Variants in TAFA1 observed in about 807,000 individuals in gnomAD.
The protein encoded by TAFA1 is TAFA chemokine like family member 1.
Under a neutral mutation model 18.5 loss-of-function variants are expected in TAFA1, and 4 were observed. The observed-to-expected ratio is 0.22, with a 90% CI of 0.11 to 0.49. The LOEUF (loss-of-function observed/expected upper bound fraction) is 0.49, where lower values mean the gene tolerates loss of function less well. Among genes scored for constraint, TAFA1 ranks in the 20% least tolerant of loss-of-function variants. The pLI is 0.98. For synonymous variants in TAFA1, 56 were observed against 55.2 expected (o/e 1.01, Z -0.06); for missense variants, 147 against 169.0 (o/e 0.87, Z 0.72).
chr3:68,033,164 C>T (rs1704973728), intron 2 of TAFA1, among the ~76,000 whole-genome samples: 1 of 152,152 alleles, frequency 6.6e-6, no homozygotes, highest in Non-Finnish European at 1.5e-5. Flanking sequence ...TGGTAATTTT[C>T]CACGTTTTTC....
chr3:68,181,421 G>A (rs945193008), intron 2 of TAFA1, among the ~76,000 whole-genome samples: 20 of 151,828 alleles, frequency 1.3e-4, no homozygotes, highest in Non-Finnish European at 2.9e-5. Context: ...GTAAGTGAAG[G>A]CAGTAAATTT....
intron 2 of TAFA1, among the ~76,000 whole-genome samples, chr3:68,098,081 T>A (rs1256797921): frequency 6.6e-6 from 1 of 152,192 alleles, no homozygotes; most frequent in African/African-American, 2.4e-5. Flanking sequence ...GTAGCTACTG[T>A]TGACTGCAAA....
At chr3:68,228,114 A>G (rs1209722384) in intron 2 of TAFA1, among the ~76,000 whole-genome samples, 1 of 152,220 alleles carries the variant, frequency 6.6e-6, no homozygotes, top group Non-Finnish European at 1.5e-5. Context: ...AAACTGGGAG[A>G]ATAAAAGTAC....
intron 2 of TAFA1, among the ~76,000 whole-genome samples, chr3:68,036,176 C>G (rs1463135947): frequency 6.6e-6 from 1 of 152,148 alleles, no homozygotes; most frequent in East Asian, 1.9e-4. Flanking sequence ...CACGCTGTCT[C>G]ACTCCAGTAA....
At chr3:68,039,442 C>G (rs934877836) in intron 2 of TAFA1, among the ~76,000 whole-genome samples, 1 of 152,006 alleles carries the variant, frequency 6.6e-6, no homozygotes, top group East Asian at 1.9e-4. Flanking sequence ...CTTTTTAGGT[C>G]GTTTCTAGGC....
chr3:68,443,040 A>C (rs950586413), intron 3 of TAFA1, among the ~76,000 whole-genome samples: 1 of 152,156 alleles, frequency 6.6e-6, no homozygotes, highest in Non-Finnish European at 1.5e-5. Context: ...TGGCTCTGTT[A>C]TATATGACTA....
At chr3:68,185,748 G>GA (rs34112827) in intron 2 of TAFA1, among the ~76,000 whole-genome samples, 1 of 151,638 alleles carries the variant, frequency 6.6e-6, no homozygotes, top group Admixed American at 6.6e-5. Flanking sequence ...CATCTCTACA[G>GA]AAAAAATACA....
chr3:68,151,206 A>G (rs987928439), intron 2 of TAFA1, among the ~76,000 whole-genome samples: 3 of 152,194 alleles, frequency 2.0e-5, no homozygotes, highest in Admixed American at 2.0e-4. Context: ...AAGCTGCAAC[A>G]TATTTTGTAA....
At chr3:67,995,424 A>G in the TAFA1 span, among the ~76,000 whole-genome samples, 18 of 152,250 alleles carry the variant, frequency 1.2e-4, no homozygotes, top group African/African-American at 4.1e-4. Context: ...ATTGTAACTT[A>G]CTGCCAAGAT....
At chr3:68,190,705 T>A (rs1313768525) in intron 2 of TAFA1, among the ~76,000 whole-genome samples, 1 of 151,822 alleles carries the variant, frequency 6.6e-6, no homozygotes, top group Non-Finnish European at 1.5e-5. Context: ...AGGTATGTGT[T>A]TTGGGAGGAG....
At chr3:68,075,748 G>C (rs2064815721) in intron 2 of TAFA1, among the ~76,000 whole-genome samples, 1 of 148,990 alleles carries the variant, frequency 6.7e-6, no homozygotes, top group African/African-American at 2.5e-5. Context: ...CCAGGCTAGA[G>C]TACAGTGGTA....
At chr3:68,378,988 A>G (rs2069875232) in intron 2 of TAFA1, among the ~76,000 whole-genome samples, 1 of 152,096 alleles carries the variant, frequency 6.6e-6, no homozygotes, top group Non-Finnish European at 1.5e-5. Flanking sequence ...AGTCTCGGGT[A>G]TTTCTTTATA....
chr3:68,020,334 A>G (rs1559704817), intron 2 of TAFA1, among the ~76,000 whole-genome samples: 1 of 151,888 alleles, frequency 6.6e-6, no homozygotes, highest in Non-Finnish European at 1.5e-5. Flanking sequence ...GGGAGTTTAC[A>G]TCCCATCTCT....
intron 2 of TAFA1, among the ~76,000 whole-genome samples, chr3:68,334,004 G>A (rs1458596123): frequency 2.0e-5 from 3 of 152,340 alleles, no homozygotes; most frequent in African/African-American, 4.8e-5. Flanking sequence ...CAGGAGGTGG[G>A]AGAAATGGGG....
intron 3 of TAFA1, among the ~76,000 whole-genome samples, chr3:68,510,522 T>A (rs1194875749): frequency 5.3e-5 from 8 of 152,138 alleles, no homozygotes; most frequent in African/African-American, 1.9e-4. Context: ...GGGTACAGTA[T>A]CACATTTCCC....
intron 2 of TAFA1, among the ~76,000 whole-genome samples, chr3:68,414,667 A>G (rs1361554334): frequency 6.6e-6 from 1 of 152,206 alleles, no homozygotes; most frequent in African/African-American, 2.4e-5. Context: ...AGAGTAGCAG[A>G]GAACCATTCC....
chr3:68,506,958 C>T (rs1000413290), intron 3 of TAFA1, among the ~76,000 whole-genome samples: 3 of 151,724 alleles, frequency 2.0e-5, no homozygotes, highest in African/African-American at 4.8e-5. Flanking sequence ...TATGGCCTCA[C>T]GCAAAGCCTG....
At chr3:68,453,258 T>C (rs1313719265) in intron 3 of TAFA1, among the ~76,000 whole-genome samples, 1 of 152,190 alleles carries the variant, frequency 6.6e-6, no homozygotes, top group African/African-American at 2.4e-5. Flanking sequence ...CCTTGTTTAA[T>C]TTGTGCTGGG....
At chr3:68,418,021 A>G (rs1397791570) in intron 3 of TAFA1, among the ~76,000 whole-genome samples, 1 of 152,104 alleles carries the variant, frequency 6.6e-6, no homozygotes, top group Non-Finnish European at 1.5e-5. Context: ...CTGTTCCAAC[A>G]CTGGGGGTTA....
Sources: allele counts gnomAD v4.1 joint callset (sites outside exome capture counted in the v4.1 genomes callset), GRCh38; gene constraint gnomAD v4.1.1; transcripts MANE v1.5; gene names NCBI Gene and HGNC (gene_info 2026-07-23, HGNC 2026-07-21).